AMBRA1: variants seen among roughly 807,000 people sequenced by gnomAD.
The protein encoded by AMBRA1 is activating molecule in BECN1-regulated autophagy protein 1.
Under a neutral mutation model 125.4 loss-of-function variants are expected in AMBRA1, and 47 were observed. That is an observed-to-expected ratio of 0.37 (90% CI 0.30 to 0.48). The LOEUF (loss-of-function observed/expected upper bound fraction) is 0.48, where lower values mean the gene tolerates loss of function less well. AMBRA1 is among the 20% of genes least tolerant of loss of function. The probability of loss-of-function intolerance (pLI) is 0.99; values close to 1 mark genes in which losing one functional copy is unlikely to be tolerated. For missense variants in AMBRA1, 1,331 were observed against 1,693.4 expected, an observed-to-expected ratio of 0.79 and a Z score of 3.76; for synonymous variants, 626 against 655.5, an observed-to-expected ratio of 0.95 and a Z score of 0.69.
intron 1 of AMBRA1, among the ~76,000 whole-genome samples, chr11:46,556,460 A>G (rs1179521802): frequency 6.6e-6 from 1 of 152,236 alleles, no homozygotes; most frequent in Non-Finnish European, 1.5e-5. Context: ...TGAATTGTGT[A>G]TCTATTGTGT....
intron 12 of AMBRA1, among the ~76,000 whole-genome samples, chr11:46,441,622 A>C (rs1469931473): frequency 1.3e-5 from 2 of 152,182 alleles, no homozygotes; most frequent in Non-Finnish European, 2.9e-5. Flanking sequence ...CTTCTGAAAA[A>C]ACTGCTGAAA....
At chr11:46,417,645 G>C (rs1946605370) in intron 15 of AMBRA1, among the ~76,000 whole-genome samples, 1 of 152,078 alleles carries the variant, frequency 6.6e-6, no homozygotes, top group South Asian at 2.1e-4. Flanking sequence ...TAGGAAACCA[G>C]AGAACAAGGG....
chr11:46,427,481 G>C (rs1037807165), intron 14 of AMBRA1, among the ~76,000 whole-genome samples: 1 of 152,230 alleles, frequency 6.6e-6, no homozygotes, highest in African/African-American at 2.4e-5. Context: ...GGTCTAGATG[G>C]AATCGCCCTA....
Position 46,433,581 on chromosome 11 carries a change from T to A in AMBRA1, c.2869A>T (p.Met957Leu). Residue 957 changes from methionine to leucine, a missense_variant, in exon 14 of 18, where the codon ATG becomes TTG. Transcript: ENST00000683756. ...ATCCTTCGTGAGGCCAAGCCCACCATTACATATCTGCCCATTGGGGACAGG... is the reference window on the plus strand; with the variant it reads ...ATCCTTCGTGAGGCCAAGCCCACCAATACATATCTGCCCATTGGGGACAGG... The part of the protein sequence containing the change: ...VSLSPMGRYV[M>L]VGLASRRILL... The A allele has an allele frequency of 6.2e-7, 1 of 1,614,148 alleles. No individual in the cohort carries two copies. Among genetic ancestry groups the A allele is most frequent in the Non-Finnish European group, 8.5e-7 (1 of 1,180,000 alleles).
At chr11:46,441,551 T>C (rs946956890) in intron 12 of AMBRA1, among the ~76,000 whole-genome samples, 15 of 151,468 alleles carry the variant, frequency 9.9e-5, no homozygotes, top group Non-Finnish European at 1.8e-4. Flanking sequence ...TACAGGAAGG[T>C]TGAGTCTTGG....
At chr11:46,476,869 T>C (rs1231660069) in intron 11 of AMBRA1, among the ~76,000 whole-genome samples, 2 of 152,144 alleles carry the variant, frequency 1.3e-5, no homozygotes, top group Admixed American at 6.5e-5. Flanking sequence ...TTCCAGCACT[T>C]TGGGAGGCCA....
chr11:46,401,969 A>G (rs1174558657), intron 17 of AMBRA1, among the ~76,000 whole-genome samples: 1 of 152,062 alleles, frequency 6.6e-6, no homozygotes, highest in African/African-American at 2.4e-5. Context: ...CCTGTCCCCC[A>G]CATTCCTGCA....
rs1945521199 is a variant in AMBRA1, at chr11:46,397,666, G to A, written c.3681C>T (p.Ser1227=). Residue 1227 remains serine (S), a synonymous_variant, in exon 18 of 18, where the codon AGC becomes AGT. Transcript: ENST00000683756. ...GCTGGTCCCAGGAAGCTGTCCGGGGGCTTAGGCCTCGCTCTGCCAGTTGCC... is the reference window on the plus strand; with the variant it reads ...GCTGGTCCCAGGAAGCTGTCCGGGGACTTAGGCCTCGCTCTGCCAGTTGCC... ...EAGQLAERGL[S]PRTASWDQPG... is the part of the protein sequence containing the mutation. 9 of 1,613,294 alleles carry A rather than the reference G, an allele frequency of 5.6e-6. No individual in the cohort carries two copies. The highest frequency in any genetic ancestry group is 1.7e-4 in the Middle Eastern group (1 of 6,052).
chr11:46,502,072 T>A (rs1810998970), intron 9 of AMBRA1, among the ~76,000 whole-genome samples: 1 of 152,220 alleles, frequency 6.6e-6, no homozygotes, highest in African/African-American at 2.4e-5. Flanking sequence ...CTCCAGGTCA[T>A]TTTCTTTCTT....
chr11:46,555,809 C>A (rs2043142005), intron 1 of AMBRA1, among the ~76,000 whole-genome samples: 1 of 152,188 alleles, frequency 6.6e-6, no homozygotes, highest in African/African-American at 2.4e-5. Context: ...CCCAAATCTT[C>A]CCCTTCCTAT....
At chr11:46,425,490 T>G (rs1947081524) in intron 14 of AMBRA1, among the ~76,000 whole-genome samples, 1 of 152,296 alleles carries the variant, frequency 6.6e-6, no homozygotes, top group South Asian at 2.1e-4. Flanking sequence ...TGGGAACCTC[T>G]CATCATGTCT....
At chr11:46,539,169 G>T (rs1952621056) in intron 7 of AMBRA1, among the ~76,000 whole-genome samples, 1 of 152,016 alleles carries the variant, frequency 6.6e-6, no homozygotes, top group South Asian at 2.1e-4. Context: ...GGTTATAGGT[G>T]TATGGAAGCT....
rs545158101 is a variant in AMBRA1, at chr11:46,432,952, G to A, written c.2976+522C>T. On this transcript the variant is annotated intron_variant, in intron 14 of 17. Coordinates refer to ENST00000683756, the MANE Select transcript of AMBRA1 (RefSeq NM_001387011.1). ...GCTTTTATGGCAATATAAGAGAGAC[G>A]TGCCTTAGACAAGACAGGGTCCTAG... Among the ~76,000 whole-genome samples, 14 of 152,270 alleles carry A rather than the reference G, an allele frequency of 9.2e-5. No individual in the cohort carries two copies. In the South Asian group the frequency reaches 2.1e-3, roughly 23 times the overall value.
At chr11:46,506,365 T>C (rs1279130934) in intron 9 of AMBRA1, among the ~76,000 whole-genome samples, 1 of 152,234 alleles carries the variant, frequency 6.6e-6, no homozygotes, top group African/African-American at 2.4e-5. Context: ...AACCTCCCAC[T>C]TAGTTTTCCT....
chr11:46,425,596 C>T (rs1667546597), intron 14 of AMBRA1, among the ~76,000 whole-genome samples: 1 of 151,914 alleles, frequency 6.6e-6, no homozygotes, highest in African/African-American at 2.4e-5. Context: ...AATCCCAGCA[C>T]TTTGGGAGGC....
intron 1 of AMBRA1, among the ~76,000 whole-genome samples, chr11:46,590,720 A>G (rs2044565668): frequency 1.3e-5 from 2 of 152,080 alleles, no homozygotes; most frequent in Admixed American, 1.3e-4. Context: ...ACACCACAAG[A>G]TTTAACCAAG....
At chr11:46,450,247 T>A (rs1226207428) in intron 11 of AMBRA1, among the ~76,000 whole-genome samples, 1 of 152,118 alleles carries the variant, frequency 6.6e-6, no homozygotes, top group Non-Finnish European at 1.5e-5. Context: ...AAATGAGCTA[T>A]CAATCCACAA....
At chr11:46,465,819 T>C (rs1263900748) in intron 11 of AMBRA1, among the ~76,000 whole-genome samples, 1 of 152,250 alleles carries the variant, frequency 6.6e-6, no homozygotes. Context: ...ACATACAATC[T>C]TGCTTAAACA....
intron 7 of AMBRA1, among the ~76,000 whole-genome samples, chr11:46,536,551 T>C (rs1252072656): frequency 1.3e-5 from 2 of 152,236 alleles, no homozygotes; most frequent in Non-Finnish European, 2.9e-5. Context: ...GACCCCTTTC[T>C]ATAGTAGTCA....
Sources: gnomAD v4.1 joint callset for allele counts (sites outside exome capture counted in the v4.1 genomes callset) on GRCh38, gnomAD v4.1.1 for gene constraint, MANE v1.5 for transcripts, NCBI Gene and HGNC (gene_info 2026-07-23, HGNC 2026-07-21) for gene names.